Variants in VPS37D observed in about 807,000 individuals in gnomAD.
VPS37D encodes the protein vacuolar protein sorting-associated protein 37D.
Under a neutral mutation model 22.0 loss-of-function variants are expected in VPS37D, and 5 were observed. That is an observed-to-expected ratio of 0.23 (90% CI 0.12 to 0.48). The LOEUF (loss-of-function observed/expected upper bound fraction) is 0.48, where lower values mean the gene tolerates loss of function less well. Ranked by LOEUF, VPS37D falls within the 20% of genes least tolerant of loss-of-function variation. The probability of loss-of-function intolerance (pLI) is 0.99; values close to 1 mark genes in which losing one functional copy is unlikely to be tolerated. For synonymous variants in VPS37D, 174 were observed against 159.3 expected (o/e 1.09, Z -0.69); for missense variants, 384 against 345.8 (o/e 1.11, Z -0.88).
rs781805435 is a variant in VPS37D, at chr7:73,671,307, C to T, written c.687C>T (p.Pro229=). The T allele has an allele frequency of 1.4e-4, 196 of 1,387,616 alleles. No individual in the cohort carries two copies. The highest frequency in any genetic ancestry group is 2.6e-4 in the Middle Eastern group (1 of 3,816). The allele number at this position is 1,387,616 out of a possible 1,614,324, so 86.0% of individuals were successfully genotyped here. The part of the protein sequence containing the change: ...SRPVPPLKGS[P]GCPLGPAPLL... Reference sequence around the variant, plus strand: ...CAGTGCCCCCACTGAAGGGCTCCCCCGGGTGCCCCCTCGGCCCGGCCCCCC... The same window carrying T: ...CAGTGCCCCCACTGAAGGGCTCCCCTGGGTGCCCCCTCGGCCCGGCCCCCC... The change falls in exon 4 of 4, where the codon CCC becomes CCT. Residue 229 remains proline (P), a synonymous_variant. Coordinates refer to ENST00000324941, the MANE Select transcript of VPS37D (RefSeq NM_001077621.2).
At position 73,671,115 on chromosome 7, in the gene VPS37D, A is replaced by G. The variant is rs1554609647; in HGVS notation, c.495A>G (p.Ala165=). Residue 165 remains alanine (A), a synonymous_variant, in exon 4 of 4, where the codon GCA becomes GCG. Transcript: ENST00000324941. ...RALAHLRRTQ[A]EKLQELLRRR... ...TGGCCCACCTGAGGCGGACGCAGGC[A>G]GAGAAGCTGCAGGAGCTGCTGCGGC... 2 of 1,609,298 alleles carry G rather than the reference A, an allele frequency of 1.2e-6. No homozygotes were observed. The highest frequency in any genetic ancestry group is 8.5e-7 in the Non-Finnish European group (1 of 1,179,412).
Position 73,671,368 on chromosome 7 carries a change from C to G in VPS37D, c.748C>G (p.His250Asp). Residue 250 changes from histidine to aspartate, a missense_variant, in exon 4 of 4, where the codon CAC (histidine) becomes GAC (aspartate). By Grantham distance (81) the His-to-Asp change is moderately conservative (BLOSUM62 -1). Coordinates refer to ENST00000324941, the MANE Select transcript of VPS37D (RefSeq NM_001077621.2). ...TCGGCCCTCGCAGCCAGAGCCCCCC[C>G]ACCGGTAGGATCCACGGTGCGGCCC... is the stretch of plus-strand genomic sequence containing the variant. The part of the protein sequence containing the change: ...SPRPSQPEPP[H>D]R The G allele has an allele frequency of 1.5e-6, 2 of 1,376,088 alleles. No individual in the cohort carries two copies. Among genetic ancestry groups the G allele is most frequent in the Non-Finnish European group, 9.4e-7 (1 of 1,067,646 alleles). 85.2% of individuals were successfully genotyped at this position (1,376,088 alleles called of 1,614,324 possible).
chr7:73,669,687 G>T lies in VPS37D; in HGVS notation c.310+97G>T, dbSNP rs556040854. ...AAGTGCCAGGCTCTGATGGATGGGA[G>T]TTGGGCGGACCTGCTCCTGGCTTGC... On this transcript the variant is annotated intron_variant, in intron 2 of 3. Coordinates refer to ENST00000324941, the MANE Select transcript of VPS37D (RefSeq NM_001077621.2). 9.8e-5 allele frequency: 135 copies of T among 1,384,104 alleles called. No individual in the cohort carries two copies. The African/African-American group carries it at 1.8e-3, about 18-fold the overall frequency. 85.7% of individuals were successfully genotyped at this position (1,384,104 alleles called of 1,614,324 possible). A position where few individuals can be genotyped will look rare whatever the true frequency, so the allele number is the denominator to read the frequency against.
chr7:73,667,448 C>G (rs1046968726), upstream of VPS37D, among the ~76,000 whole-genome samples: 4 of 152,122 alleles, frequency 2.6e-5, no homozygotes, highest in African/African-American at 9.6e-5. Flanking sequence ...CAGCGCTCAC[C>G]ATCTCCAACC....
At chr7:73,667,220 C>A (rs1453159540), upstream of VPS37D, among the ~76,000 whole-genome samples, 1 of 151,954 alleles carries the variant, frequency 6.6e-6, no homozygotes, top group African/African-American at 2.4e-5. Context: ...GTGATCCGCC[C>A]GCCTCGGCCT....
intron 2 of VPS37D, 93 bp from the exon 3 acceptor site, chr7:73,669,927 G>A (rs1463090973): frequency 1.3e-6 from 2 of 1,538,584 alleles, no homozygotes; most frequent in Non-Finnish European, 8.8e-7. Context: ...CTAGACCAGG[G>A]GAAAGGGAAA....
intron 2 of VPS37D, 82 bp from the exon 3 acceptor site, chr7:73,669,938 T>TA: frequency 1.3e-6 from 2 of 1,545,876 alleles, no homozygotes; most frequent in Non-Finnish European, 1.7e-6. Context: ...GAAAGGGAAA[T>TA]ATAGAATCAC....
At chr7:73,670,486 C>T (rs73702564) in intron 3 of VPS37D, among the ~76,000 whole-genome samples, 5,734 of 152,280 alleles carry the variant, frequency 0.038, 109 homozygotes, top group African/African-American at 0.049. Context: ...CATCTCTGAT[C>T]CAGCAGGTCT....
intron 3 of VPS37D, 127 bp from the exon 4 acceptor site, chr7:73,670,887 G>A (rs1439672210): frequency 1.3e-5 from 18 of 1,345,482 alleles, no homozygotes; most frequent in East Asian, 1.3e-4. Flanking sequence ...AGGCTGGAAC[G>A]CAGGTCCCCT....
At position 73,668,928 on chromosome 7, in the gene VPS37D, G is replaced by A. The variant is rs546287584; in HGVS notation, c.139-491G>A. On this transcript the variant is annotated intron_variant, in intron 1 of 3. Transcript: ENST00000324941. ...AGGGGGTGCTGTGAGGGGACGGGGT[G>A]CAGACACCCCTCTGGAGAGGATGAG... 2.0e-5 allele frequency among the ~76,000 whole-genome samples: 3 copies of A among 152,024 alleles called. No homozygotes were observed. In the South Asian group the frequency reaches 6.2e-4, roughly 32 times the overall value.
In VPS37D at chr7:73,669,534, A is replaced by G. The variant is rs967048227; in HGVS notation, c.254A>G (p.Lys85Arg). 8.8e-5 allele frequency: 139 copies of G among 1,588,308 alleles called. No homozygotes were observed. Among genetic ancestry groups the G allele is most frequent in the Non-Finnish European group, 1.2e-4 (135 of 1,167,698 alleles). The change falls in exon 2 of 4, where the codon AAA becomes AGA. Residue 85 changes from lysine to arginine, a missense_variant. Lys to Arg is a conservative substitution (Grantham distance 26, BLOSUM62 2). Transcript: ENST00000324941. ...LEMGRAALAIKYQELREVAEN... is the reference protein window; with the variant it reads ...LEMGRAALAIRYQELREVAEN... ...ATGGGCCGGGCTGCCCTGGCCATCA[A>G]ATACCAGGAGCTTCGTGAGGTGGCC...
In VPS37D at chr7:73,671,281, C is replaced by T. The variant is rs782765186; in HGVS notation, c.661C>T (p.Pro221Ser). 33 of 1,450,766 alleles carry T rather than the reference C, an allele frequency of 2.3e-5. No individual in the cohort carries two copies. In the East Asian group the frequency reaches 7.4e-4, roughly 32 times the overall value. The allele number at this position is 1,450,766 out of a possible 1,614,324, so 89.9% of individuals were successfully genotyped here. ...PRSLPPLDSRPVPPLKGSPGC... is the reference protein window; with the variant it reads ...PRSLPPLDSRSVPPLKGSPGC... ...GAGCCTGCCCCCCTTGGACTCCCGCCCAGTGCCCCCACTGAAGGGCTCCCC... is the reference window on the plus strand; with the variant it reads ...GAGCCTGCCCCCCTTGGACTCCCGCTCAGTGCCCCCACTGAAGGGCTCCCC... Residue 221 changes from proline to serine, a missense_variant, in exon 4 of 4, where the codon CCA becomes TCA. Physicochemically the swap from Pro to Ser is moderately conservative, Grantham distance 74 (BLOSUM62 -1). Coordinates refer to ENST00000324941, the MANE Select transcript of VPS37D (RefSeq NM_001077621.2).
At chr7:73,667,712 T>C (rs1291474096), upstream of VPS37D, 4 of 152,256 alleles carry the variant, frequency 2.6e-5, no homozygotes, top group Non-Finnish European at 5.8e-5. Flanking sequence ...GATCCTGGGG[T>C]GCTGGAGGCG....
chr7:73,670,254 C>A, intron 3 of VPS37D, 152 bp downstream of exon 3: 1 of 1,328,070 alleles, frequency 7.5e-7, no homozygotes, highest in Non-Finnish European at 1.0e-6. Context: ...CATTGCTGTC[C>A]ACCAGCACTG....
At chr7:73,670,924 T>C (rs1307090060) in intron 3 of VPS37D, 90 bp from the exon 4 acceptor site, 2 of 1,519,342 alleles carry the variant, frequency 1.3e-6, no homozygotes, top group African/African-American at 1.4e-5. Context: ...GTGATCACCA[T>C]GGGGAGGGCC....
intron 3 of VPS37D, 150 bp downstream of exon 3, chr7:73,670,252 T>G: frequency 7.4e-7 from 1 of 1,346,742 alleles, no homozygotes; most frequent in Non-Finnish European, 1.0e-6. Flanking sequence ...AGCATTGCTG[T>G]CCACCAGCAC....
upstream of VPS37D, among the ~76,000 whole-genome samples, chr7:73,666,316 A>G (rs2116622666): frequency 6.6e-6 from 1 of 152,352 alleles, no homozygotes; most frequent in South Asian, 2.1e-4. Flanking sequence ...CCCAGTGTTC[A>G]GCGCAGAGCG....
Position 73,667,910 on chromosome 7 carries a change from G to GAGCGGAGCGGA in VPS37D, c.-49_-48insAGCGGAGCGGA. On this transcript the variant is annotated 5_prime_UTR_variant, in exon 1 of 4. Transcript: ENST00000324941. ...AGCGGAGCGGAGCCGGGGCGGAGCG[G>GAGCGGAGCGGA]GCCGAGCGGGCCGAGCCAGCAGCCG... 1.4e-6 allele frequency: 1 copy of GAGCGGAGCGGA among 726,326 alleles called. No homozygotes were observed. The highest frequency in any genetic ancestry group is 1.7e-6 in the Non-Finnish European group (1 of 587,918). The allele number at this position is 726,326 out of a possible 1,614,324, so 45.0% of individuals were successfully genotyped here.
chr7:73,669,439 G>C lies in VPS37D; in HGVS notation c.159G>C (p.Glu53Asp), dbSNP rs1554609247. The stretch of plus-strand genomic sequence containing the variant: ...CGCAGTTCCAGGGCCTGCAGCTGGA[G>C]CGTGAGGCCTGCCTGGCCTCCAACT... ...LSRKFQGLQL[E>D]REACLASNYA... The change falls in exon 2 of 4, where the codon GAG becomes GAC. Residue 53 changes from glutamate to aspartate, a missense_variant. Glu to Asp is a conservative substitution (Grantham distance 45). Transcript: ENST00000324941. 1.3e-6 allele frequency: 2 copies of C among 1,567,852 alleles called. No homozygotes were observed. The highest frequency in any genetic ancestry group is 1.7e-6 in the Non-Finnish European group (2 of 1,157,108).
Sources: gnomAD v4.1 joint callset for allele counts (sites outside exome capture counted in the v4.1 genomes callset) on GRCh38, gnomAD v4.1.1 for gene constraint, MANE v1.5 for transcripts, NCBI Gene and HGNC (gene_info 2026-07-23, HGNC 2026-07-21) for gene names.